The following CMIP variants were observed in gnomAD, a reference collection of about 807,000 sequenced individuals.
CMIP encodes the protein c-Maf inducing protein.
In CMIP, 13 loss-of-function variants were observed where a neutral mutation model predicts 97.3. The observed-to-expected ratio is 0.13, with a 90% confidence interval of 0.09 to 0.21. The LOEUF (loss-of-function observed/expected upper bound fraction) is 0.21. CMIP is among the 10% of genes least tolerant of loss of function. The probability of loss-of-function intolerance (pLI) is 1.00; values close to 1 mark genes in which losing one functional copy is unlikely to be tolerated. For missense variants in CMIP, 847 were observed against 1,024.9 expected (o/e 0.83, Z 2.37); for synonymous variants, 538 against 436.3 (o/e 1.23, Z -2.91).
chr16:81,532,718 G>A (rs913937720), intron 1 of CMIP, among the ~76,000 whole-genome samples: 19 of 152,240 alleles, frequency 1.2e-4, no homozygotes, highest in African/African-American at 4.6e-4. Flanking sequence ...TGTGACATCA[G>A]AGTGTTGGGA....
At chr16:81,660,804 C>T in intron 5 of CMIP, 80 bp from the exon 6 acceptor site, 3 of 1,479,476 alleles carry the variant, frequency 2.0e-6, no homozygotes, top group Non-Finnish European at 2.8e-6. Flanking sequence ...TTTCACTTCA[C>T]AATATGGCCT....
chr16:81,496,935 A>G (rs1349552631), intron 1 of CMIP, among the ~76,000 whole-genome samples: 1 of 152,254 alleles, frequency 6.6e-6, no homozygotes, highest in East Asian at 1.9e-4. Flanking sequence ...CAGCTGGGCC[A>G]TTTGCTTACT....
intron 1 of CMIP, among the ~76,000 whole-genome samples, chr16:81,583,641 A>T (rs1361383089): frequency 2.0e-5 from 3 of 152,138 alleles, no homozygotes; most frequent in Non-Finnish European, 4.4e-5. Context: ...TGTCAGCCCC[A>T]ACCGAGGCTT....
intron 1 of CMIP, among the ~76,000 whole-genome samples, chr16:81,475,801 C>A (rs749886445): frequency 3.3e-4 from 50 of 151,914 alleles, no homozygotes; most frequent in Non-Finnish European, 6.2e-4. Flanking sequence ...CTGGCTAACA[C>A]GGTGAAATCC....
chr16:81,669,091 C>T (rs1472423860), intron 7 of CMIP, among the ~76,000 whole-genome samples: 9 of 131,836 alleles, frequency 6.8e-5, no homozygotes, highest in Non-Finnish European at 1.2e-4. Flanking sequence ...TCCACATCCA[C>T]CTCACACCTC....
At chr16:81,706,725 G>A (rs74031246) in intron 19 of CMIP, among the ~76,000 whole-genome samples, 18,663 of 152,250 alleles carry the variant, frequency 0.12, 1,505 homozygotes, top group African/African-American at 0.22. Flanking sequence ...CAAGCTCTGG[G>A]GACATCAGGT....
chr16:81,681,974 C>T (rs1390190388), intron 10 of CMIP, among the ~76,000 whole-genome samples: 1 of 151,922 alleles, frequency 6.6e-6, no homozygotes, highest in Non-Finnish European at 1.5e-5. Flanking sequence ...TTTAGGAGGC[C>T]GAGGCGGGGG....
chr16:81,575,134 C>T (rs1177879215), intron 1 of CMIP, among the ~76,000 whole-genome samples: 1 of 152,210 alleles, frequency 6.6e-6, no homozygotes, highest in Non-Finnish European at 1.5e-5. Flanking sequence ...ATGCTAAATG[C>T]ATTACCCAGA....
rs368024247 is a variant in CMIP at position 81,550,832 on chromosome 16, T to TCCCCAGTTCCATCACACACA, written c.301-56684_301-56665dup. Among the ~76,000 whole-genome samples, 61 of 148,454 alleles carry TCCCCAGTTCCATCACACACA rather than the reference T, an allele frequency of 4.1e-4. 1 individual carries two copies. Among genetic ancestry groups the TCCCCAGTTCCATCACACACA allele is most frequent in the Middle Eastern group, 3.5e-3 (1 of 284 alleles). On this transcript the variant is annotated intron_variant, in intron 1 of 20. Coordinates refer to ENST00000537098, the MANE Select transcript of CMIP (RefSeq NM_198390.3). ...AAAGTCCTAACCCCATTCTGTGCCC[T>TCCCCAGTTCCATCACACACA]CCCCAGTTCCATCACACACACCCCA...
Position 81,707,137 on chromosome 16 carries a change from C to T in CMIP, c.2268+53C>T. The T allele has an allele frequency of 4.1e-6, 6 of 1,475,576 alleles. No individual in the cohort carries two copies. In the South Asian group the frequency reaches 6.8e-5, roughly 17 times the overall value. 91.4% of individuals were successfully genotyped at this position (1,475,576 alleles called of 1,614,324 possible). A position where few individuals can be genotyped will look rare whatever the true frequency, so the allele number is the denominator to read the frequency against. On this transcript the variant is annotated intron_variant, in intron 20 of 20. Transcript: ENST00000537098. ...CTCCCCTCCTTCTTCTAGCCAGCAT[C>T]TGGATGCTGGTGCATCTCCTGCACA...
At chr16:81,554,341 A>G (rs1424328596) in intron 1 of CMIP, among the ~76,000 whole-genome samples, 10 of 152,260 alleles carry the variant, frequency 6.6e-5, no homozygotes, top group Non-Finnish European at 1.2e-4. Flanking sequence ...GGAGAAGCTA[A>G]GGAGCAGAAA....
At chr16:81,575,891 C>G (rs1470475149) in intron 1 of CMIP, among the ~76,000 whole-genome samples, 2 of 152,284 alleles carry the variant, frequency 1.3e-5, no homozygotes, top group South Asian at 2.1e-4. Context: ...AATTCCTTGA[C>G]AAACACTTGG....
chr16:81,633,636 C>CT (rs1220568297), intron 3 of CMIP, among the ~76,000 whole-genome samples: 3 of 152,362 alleles, frequency 2.0e-5, no homozygotes, highest in East Asian at 3.9e-4. Context: ...AACCAACAGA[C>CT]TGTTTTGCAG....
At chr16:81,505,390 A>G (rs573847425) in intron 1 of CMIP, among the ~76,000 whole-genome samples, 2 of 152,346 alleles carry the variant, frequency 1.3e-5, no homozygotes, top group Admixed American at 6.5e-5. Context: ...CTGGTCCTCC[A>G]GACCCCACGC....
chr16:81,592,425 C>T (rs1016625873), intron 1 of CMIP, among the ~76,000 whole-genome samples: 10 of 152,186 alleles, frequency 6.6e-5, no homozygotes, highest in African/African-American at 1.9e-4. Context: ...CCTTGACAGC[C>T]GGCTCAAAGG....
chr16:81,514,785 G>C (rs761591715), intron 1 of CMIP, among the ~76,000 whole-genome samples: 4 of 152,162 alleles, frequency 2.6e-5, no homozygotes, highest in Non-Finnish European at 5.9e-5. Context: ...CAGGGTGGTT[G>C]TGAAGATTAA....
At chr16:81,475,926 G>A (rs979986439) in intron 1 of CMIP, 2 of 405,360 alleles carry the variant, frequency 4.9e-6, no homozygotes, top group South Asian at 2.1e-5. Context: ...GGCAGAGCTT[G>A]CAGTGAGCTG....
intron 1 of CMIP, among the ~76,000 whole-genome samples, chr16:81,541,686 C>G (rs936735694): frequency 6.6e-6 from 1 of 152,064 alleles, no homozygotes; most frequent in Non-Finnish European, 1.5e-5. Flanking sequence ...TGGAGTGTCC[C>G]TACAAAACAA....
chr16:81,471,409 TAC>T (rs1031569589), intron 1 of CMIP, among the ~76,000 whole-genome samples: 13 of 138,972 alleles, frequency 9.4e-5, no homozygotes, highest in South Asian at 4.4e-4. Context: ...TACAAATGCA[TAC>T]ACACATACAT....
Sources: allele counts gnomAD v4.1 joint callset (sites outside exome capture counted in the v4.1 genomes callset), GRCh38; gene constraint gnomAD v4.1.1; transcripts MANE v1.5; gene names NCBI Gene and HGNC (gene_info 2026-07-23, HGNC 2026-07-21).